LINGO2: variants seen among roughly 807,000 people sequenced by gnomAD.
LINGO2 encodes leucine-rich repeat and immunoglobulin-like domain-containing nogo receptor-interacting protein 2.
LINGO2 carries 14 observed loss-of-function variants against 30.6 expected under a neutral mutation model. That is an observed-to-expected ratio of 0.46 (90% confidence interval 0.30 to 0.72). LINGO2 has a LOEUF of 0.72. Among genes scored for constraint, LINGO2 ranks in the 30% least tolerant of loss-of-function variants. The probability of loss-of-function intolerance (pLI) is 0.07; values close to 1 mark genes in which losing one functional copy is unlikely to be tolerated. For synonymous variants in LINGO2, 317 were observed against 288.5 expected (o/e 1.10, Z -1.00); for missense variants, 729 against 751.7 (o/e 0.97, Z 0.35).
the LINGO2 span, among the ~76,000 whole-genome samples, chr9:28,914,748 C>A: frequency 6.6e-6 from 1 of 152,150 alleles, no homozygotes; most frequent in Non-Finnish European, 1.5e-5. Flanking sequence ...CTGGAACAAT[C>A]CCTCCTGTAT....
intron 5 of LINGO2, among the ~76,000 whole-genome samples, chr9:27,996,733 A>G (rs901073590): frequency 1.3e-5 from 2 of 152,206 alleles, no homozygotes; most frequent in Non-Finnish European, 2.9e-5. Context: ...TGTATTGTAT[A>G]TTTCAAAATA....
rs33924393 is a variant in LINGO2 at position 28,425,346 on chromosome 9, A to ATAC, written c.-279+50593_-279+50594insGTA. 1.4e-3 allele frequency among the ~76,000 whole-genome samples: 194 copies of ATAC among 137,074 alleles called. 1 individual carries two copies. The South Asian group carries it at 0.02, about 14-fold the overall frequency. The allele number at this position is 137,074 out of a possible 152,430, so 89.9% of individuals were successfully genotyped here. A position where few individuals can be genotyped will look rare whatever the true frequency, so the allele number is the denominator to read the frequency against. ...GTGTGTGTGTATATATATATATATA[A>ATAC]ACACATACATATACACATATATTGG... On this transcript the variant is annotated intron_variant, in intron 2 of 5. Coordinates refer to ENST00000379992, the Ensembl canonical transcript of LINGO2.
chr9:28,491,451 AC>A (rs1484407290), intron 1 of LINGO2, among the ~76,000 whole-genome samples: 1 of 152,200 alleles, frequency 6.6e-6, no homozygotes, highest in African/African-American at 2.4e-5. Flanking sequence ...AATCTATGTT[AC>A]CAAATAGAGT....
At chr9:28,632,908 AGAGAG>A (rs1174971388) in intron 1 of LINGO2, among the ~76,000 whole-genome samples, 1 of 140,816 alleles carries the variant, frequency 7.1e-6, no homozygotes, top group African/African-American at 2.7e-5. Context: ...AGAGAGAGAG[AGAGAG>A]GAGTTGATTA....
At chr9:28,614,597 A>G (rs1263657252) in intron 1 of LINGO2, among the ~76,000 whole-genome samples, 1 of 152,128 alleles carries the variant, frequency 6.6e-6, no homozygotes, top group Non-Finnish European at 1.5e-5. Flanking sequence ...TATAGGCTTT[A>G]AAGAGGCAGC....
chr9:28,079,476 T>A (rs1825715544), intron 4 of LINGO2, among the ~76,000 whole-genome samples: 1 of 152,244 alleles, frequency 6.6e-6, no homozygotes, highest in Non-Finnish European at 1.5e-5. Flanking sequence ...TTTACCTTTA[T>A]AAAACTACTT....
chr9:28,594,063 A>C (rs542011612), intron 1 of LINGO2, among the ~76,000 whole-genome samples: 76 of 152,168 alleles, frequency 5.0e-4, no homozygotes, highest in African/African-American at 1.7e-3. Context: ...AAAAACACAA[A>C]AGTACCCGTG....
intron 1 of LINGO2, among the ~76,000 whole-genome samples, chr9:28,559,222 G>T (rs949179660): frequency 2.0e-5 from 3 of 151,944 alleles, no homozygotes; most frequent in Admixed American, 6.6e-5. Flanking sequence ...CTCCAGAGAG[G>T]GACTTTTCAT....
intron 2 of LINGO2, among the ~76,000 whole-genome samples, chr9:28,453,323 A>G (rs538031234): frequency 3.3e-5 from 5 of 151,916 alleles, no homozygotes; most frequent in Non-Finnish European, 7.4e-5. Flanking sequence ...TCTGTACTGT[A>G]TAACAAATGC....
At chr9:29,000,716 T>G in the LINGO2 span, among the ~76,000 whole-genome samples, 1 of 151,934 alleles carries the variant, frequency 6.6e-6, no homozygotes, top group African/African-American at 2.4e-5. Flanking sequence ...TTAAAAAAAA[T>G]TATCTCTACA....
intron 4 of LINGO2, among the ~76,000 whole-genome samples, chr9:28,058,813 G>T (rs1033970225): frequency 3.3e-5 from 5 of 152,080 alleles, no homozygotes; most frequent in Non-Finnish European, 7.4e-5. Context: ...TAAAGACATT[G>T]CAATTTCTAA....
chr9:28,247,384 T>C (rs1822040646), intron 4 of LINGO2, among the ~76,000 whole-genome samples: 1 of 152,040 alleles, frequency 6.6e-6, no homozygotes. Flanking sequence ...ATAAAGAAAA[T>C]GTGGTACATA....
intron 1 of LINGO2, among the ~76,000 whole-genome samples, chr9:28,578,235 A>C (rs1824086670): frequency 6.6e-6 from 1 of 152,112 alleles, no homozygotes; most frequent in African/African-American, 2.4e-5. Flanking sequence ...CAAAAGCATA[A>C]AGACTAATTC....
intron 2 of LINGO2, among the ~76,000 whole-genome samples, chr9:28,389,393 A>T (rs928168536): frequency 6.6e-6 from 1 of 152,192 alleles, no homozygotes; most frequent in African/African-American, 2.4e-5. Context: ...ACAGATTGGA[A>T]GCTACATATC....
chr9:28,451,524 G>T (rs936054495), intron 2 of LINGO2, among the ~76,000 whole-genome samples: 1 of 151,750 alleles, frequency 6.6e-6, no homozygotes, highest in African/African-American at 2.4e-5. Flanking sequence ...AATTCAGGTG[G>T]TTTTTATAAA....
At chr9:28,379,205 T>C (rs1543674) in intron 2 of LINGO2, among the ~76,000 whole-genome samples, 119,930 of 152,006 alleles carry the variant, frequency 0.79, 48,288 homozygotes, top group Middle Eastern at 0.9. Flanking sequence ...ATAGTCAGCA[T>C]GAAGCCATAA....
intron 5 of LINGO2, among the ~76,000 whole-genome samples, chr9:27,988,802 A>G (rs574401760): frequency 3.1e-4 from 47 of 152,006 alleles, no homozygotes; most frequent in African/African-American, 1.1e-3. Flanking sequence ...ACCACTGTTC[A>G]TCCAGTTGCT....
chr9:28,440,091 CTTGTTT>C lies in LINGO2; in HGVS notation c.-279+35843_-279+35848del, dbSNP rs565821973. ...AATCCTTAAGGGAATAACTTAATAC[CTTGTTT>C]TTACACAGTGTCTTGTTTTTACACA... On this transcript the variant is annotated intron_variant, in intron 2 of 5. Coordinates refer to ENST00000379992, the Ensembl canonical transcript of LINGO2. Among the ~76,000 whole-genome samples, 1,258 of 152,198 alleles carry C rather than the reference CTTGTTT, an allele frequency of 8.3e-3. 19 individuals are homozygous for C. Among genetic ancestry groups the C allele is most frequent in the African/African-American group, 0.027 (1,127 of 41,542 alleles).
At chr9:27,937,668 CTTG>C in the LINGO2 span, 1 of 151,788 alleles carries the variant, frequency 6.6e-6, no homozygotes, top group East Asian at 1.9e-4. Flanking sequence ...AATTCATAAC[CTTG>C]TTTTCTGATA....
Sources: allele counts gnomAD v4.1 joint callset (sites outside exome capture counted in the v4.1 genomes callset), GRCh38; gene constraint gnomAD v4.1.1; transcripts MANE v1.5; gene names NCBI Gene and HGNC (gene_info 2026-07-23, HGNC 2026-07-21).